Variants in GLI3 observed in about 807,000 individuals in gnomAD.
The protein encoded by GLI3 is transcription activator GLI3.
In GLI3, 20 loss-of-function variants were observed where a neutral mutation model predicts 100.8. The ratio of observed to expected loss-of-function variants is 0.20; its 90% CI spans 0.14 to 0.29. The LOEUF (loss-of-function observed/expected upper bound fraction) is 0.29, where lower values mean the gene tolerates loss of function less well. GLI3 is among the 10% of genes least tolerant of loss of function. GLI3 has a pLI of 1.00. For synonymous variants in GLI3, 938 were observed against 860.5 expected, an observed-to-expected ratio of 1.09 and a Z score of -1.58; for missense variants, 2,040 against 2,128.5, an observed-to-expected ratio of 0.96 and a Z score of 0.82.
In GLI3 at chr7:41,972,695, CT is replaced by C; in HGVS notation, c.1813-69del. The C allele has an allele frequency of 7.6e-7, 1 of 1,322,748 alleles. No homozygotes were observed. The highest frequency in any genetic ancestry group is 1.1e-6 in the Non-Finnish European group (1 of 934,852). 81.9% of individuals were successfully genotyped at this position (1,322,748 alleles called of 1,614,324 possible). A position where few individuals can be genotyped will look rare whatever the true frequency, so the allele number is the denominator to read the frequency against. On this transcript the variant is annotated intron_variant, in intron 12 of 14. Transcript: ENST00000395925. This position sits in a 1 kb window ranked among gnomAD's most constrained non-coding sequence, Gnocchi z 4.4. ...GAGACTATGCCCCAGCCCAAAAGTC[CT>C]TTATGGTTGCTCATTACATTTTTAA...
intron 4 of GLI3, among the ~76,000 whole-genome samples, chr7:42,053,995 T>C (rs1291221755): frequency 6.6e-6 from 1 of 152,180 alleles, no homozygotes; most frequent in Admixed American, 6.5e-5. Flanking sequence ...ATGCAATGCC[T>C]CTGTGTCCTC....
chr7:42,262,070 CTCTT>C (rs962824710), intron 1 of GLI3, among the ~76,000 whole-genome samples: 2 of 149,490 alleles, frequency 1.3e-5, no homozygotes, highest in Non-Finnish European at 3.0e-5. Flanking sequence ...CCCTCTCTCT[CTCTT>C]TCTTTCTTTT....
intron 2 of GLI3, among the ~76,000 whole-genome samples, chr7:42,154,673 A>G (rs1005843639): frequency 6.6e-6 from 1 of 152,260 alleles, no homozygotes; most frequent in Non-Finnish European, 1.5e-5. Flanking sequence ...GAGGCTAAGT[A>G]TATTCAAAAG....
intron 1 of GLI3, among the ~76,000 whole-genome samples, chr7:42,261,865 C>T (rs1244706918): frequency 6.6e-6 from 1 of 151,254 alleles, no homozygotes; most frequent in Non-Finnish European, 1.5e-5. Context: ...TCTTTCCTTC[C>T]CTTCCTTTCC....
chr7:42,062,712 G>GACACACACAC (rs10523955), intron 4 of GLI3, among the ~76,000 whole-genome samples: 20 of 149,716 alleles, frequency 1.3e-4, no homozygotes, highest in African/African-American at 4.9e-4. Context: ...CACACACACA[G>GACACACACAC]ACACACACAC....
intron 4 of GLI3, among the ~76,000 whole-genome samples, chr7:42,052,908 T>C (rs926480458): frequency 2.0e-5 from 3 of 152,254 alleles, no homozygotes; most frequent in Admixed American, 2.0e-4. Context: ...GACATGTAAA[T>C]AGTCTTTAAA....
At position 41,984,963 on chromosome 7, in the gene GLI3, G is replaced by A. The variant is rs368943671; in HGVS notation, c.1498-6215C>T. Among the ~76,000 whole-genome samples, 23 of 152,364 alleles carry A rather than the reference G, an allele frequency of 1.5e-4. No individual in the cohort carries two copies. The East Asian group carries it at 4.2e-3, about 28-fold the overall frequency. Reference sequence around the variant, plus strand: ...ACACCCATGTGCACACACAGGTGGTGTTATGGCCTTCATAGAAAATAGAAT... The same window carrying A: ...ACACCCATGTGCACACACAGGTGGTATTATGGCCTTCATAGAAAATAGAAT... On this transcript the variant is annotated intron_variant, in intron 10 of 14. Coordinates refer to ENST00000395925, the MANE Select transcript of GLI3 (RefSeq NM_000168.6).
chr7:42,238,176 T>TC (rs1333331307), upstream of GLI3, among the ~76,000 whole-genome samples: 4 of 151,546 alleles, frequency 2.6e-5, no homozygotes, highest in African/African-American at 9.7e-5. Context: ...GGGCGTGATG[T>TC]CACCCGCGCC....
intron 10 of GLI3, among the ~76,000 whole-genome samples, chr7:41,993,808 C>T (rs987620327): frequency 5.3e-5 from 8 of 152,112 alleles, no homozygotes; most frequent in South Asian, 2.1e-4. Flanking sequence ...CCACAGGAAA[C>T]GGAAGCAATT....
At chr7:42,252,097 T>A (rs1266767724) in intron 1 of GLI3, among the ~76,000 whole-genome samples, 1 of 152,154 alleles carries the variant, frequency 6.6e-6, no homozygotes, top group East Asian at 1.9e-4. Context: ...TCAATCTAAA[T>A]GCCCATCAAG....
chr7:42,150,986 C>T (rs1268925868), intron 2 of GLI3, among the ~76,000 whole-genome samples: 1 of 152,120 alleles, frequency 6.6e-6, no homozygotes, highest in African/African-American at 2.4e-5. Context: ...AATGAGAGTT[C>T]ACCCAACAAA....
intron 3 of GLI3, among the ~76,000 whole-genome samples, chr7:42,134,880 G>A (rs915630343): frequency 1.3e-5 from 2 of 151,922 alleles, no homozygotes; most frequent in Non-Finnish European, 2.9e-5. Context: ...AAGCTGGAAC[G>A]GATCAAGCAG....
chr7:42,146,140 A>G (rs898037194), intron 3 of GLI3, among the ~76,000 whole-genome samples: 7 of 152,196 alleles, frequency 4.6e-5, no homozygotes, highest in Non-Finnish European at 8.8e-5. Context: ...GTTACAGAGA[A>G]CTTATACAGT....
At chr7:42,230,281 A>G (rs1788673171) in intron 1 of GLI3, among the ~76,000 whole-genome samples, 1 of 152,204 alleles carries the variant, frequency 6.6e-6, no homozygotes, top group Admixed American at 6.5e-5. Flanking sequence ...GCCATTTGGT[A>G]GCTCAGGGTT....
intron 10 of GLI3, among the ~76,000 whole-genome samples, chr7:42,022,492 AGAGAAAAAGAGAGAGAGCAG>A (rs1788972508): frequency 6.6e-6 from 1 of 152,220 alleles, no homozygotes; most frequent in Admixed American, 6.5e-5. Flanking sequence ...GGAGAGAGAA[AGAGAAAAAGAGAGAGAGCAG>A]GAGGAGGGGA....
At chr7:42,253,547 A>G (rs1789054975) in intron 1 of GLI3, among the ~76,000 whole-genome samples, 2 of 152,194 alleles carry the variant, frequency 1.3e-5, no homozygotes, top group Middle Eastern at 3.2e-3. Context: ...TTCATGGCTC[A>G]CCAATTGGGA....
chr7:41,966,694 G>T lies in GLI3; in HGVS notation c.2432-53C>A. The stretch of plus-strand genomic sequence containing the variant: ...GCGGAGATGAATTCCCTTCGAGCAT[G>T]ACTTACACCAGGCATGAGCAACCCT... On this transcript the variant is annotated intron_variant, in intron 14 of 14. Transcript: ENST00000395925. The surrounding 1 kb of genome is among the most constrained non-coding windows in gnomAD (Gnocchi z 5.8). 2.5e-6 allele frequency: 4 copies of T among 1,586,758 alleles called. No individual in the cohort carries two copies. Among genetic ancestry groups the T allele is most frequent in the East Asian group, 4.5e-5 (2 of 44,730 alleles).
intron 3 of GLI3, among the ~76,000 whole-genome samples, chr7:42,120,004 G>A (rs1054605535): frequency 6.6e-6 from 1 of 152,152 alleles, no homozygotes; most frequent in Admixed American, 6.5e-5. Context: ...CTTATAGAGG[G>A]AGTTGTCTCC....
chr7:42,026,154 C>T, intron 8 of GLI3, 45 bp downstream of exon 8: 1 of 1,425,956 alleles, frequency 7.0e-7, no homozygotes, highest in Non-Finnish European at 9.8e-7. Context: ...TGCCCCCACC[C>T]TCGGCTGACC....
Sources: gnomAD v4.1 joint callset for allele counts (sites outside exome capture counted in the v4.1 genomes callset) on GRCh38, gnomAD v4.1.1 for gene constraint, Gnocchi (gnomAD v3.1) non-coding constraint, MANE v1.5 for transcripts, NCBI Gene and HGNC (gene_info 2026-07-23, HGNC 2026-07-21) for gene names.